POU2F3: variants seen among roughly 807,000 people sequenced by gnomAD.
The protein encoded by POU2F3 is POU class 2 homeobox 3, also known as POU domain, class 2, transcription factor 3.
POU2F3 carries 23 observed loss-of-function variants against 59.2 expected under a neutral mutation model. The ratio of observed to expected loss-of-function variants is 0.39; its 90% CI spans 0.28 to 0.55. POU2F3 has a LOEUF of 0.55. Among genes scored for constraint, POU2F3 ranks in the 20% least tolerant of loss-of-function variants. POU2F3 has a pLI of 0.66. For synonymous variants in POU2F3, 190 were observed against 214.6 expected (o/e 0.89, Z 1.00); for missense variants, 473 against 544.5 (o/e 0.87, Z 1.31).
chr11:120,302,693 C>A, intron 6 of POU2F3: 1 of 280,930 alleles, frequency 3.6e-6, no homozygotes, highest in East Asian at 8.0e-5. Flanking sequence ...ACTTCTCAGG[C>A]ATACCAAGAT....
chr11:120,239,075 A>T (rs1034774450), upstream of POU2F3, among the ~76,000 whole-genome samples: 1 of 152,112 alleles, frequency 6.6e-6, no homozygotes, highest in African/African-American at 2.4e-5. Context: ...TGGGCGTGCC[A>T]GGGGGAAAGG....
intron 3 of POU2F3, among the ~76,000 whole-genome samples, chr11:120,272,979 T>A (rs1940144094): frequency 6.6e-6 from 1 of 152,234 alleles, no homozygotes; most frequent in Non-Finnish European, 1.5e-5. Flanking sequence ...ACAGTCTTCA[T>A]GTTACGGTGT....
At position 120,284,170 on chromosome 11, in the gene POU2F3, A is replaced by G. The variant is rs918784817; in HGVS notation, c.133-14095A>G. Among the ~76,000 whole-genome samples, 5 of 152,148 alleles carry G rather than the reference A, an allele frequency of 3.3e-5. No homozygotes were observed. In the East Asian group the frequency reaches 9.6e-4, roughly 29 times the overall value. ...CTCCAGTCTGGGTGACAAGAGCAAG[A>G]CTCCATCTCAAAAATAAATACATAA... On this transcript the variant is annotated intron_variant, in intron 3 of 12. Transcript: ENST00000543440.
chr11:120,281,484 C>G (rs960916219), intron 3 of POU2F3, among the ~76,000 whole-genome samples: 2 of 151,816 alleles, frequency 1.3e-5, no homozygotes, highest in African/African-American at 2.4e-5. Flanking sequence ...CCACTGATCA[C>G]CGCTGCCTTC....
chr11:120,272,691 A>C (rs1326940369), intron 3 of POU2F3, among the ~76,000 whole-genome samples: 6 of 152,158 alleles, frequency 3.9e-5, no homozygotes, highest in Non-Finnish European at 8.8e-5. Context: ...GAGCCTGTTA[A>C]CTTCCTGGTC....
chr11:120,305,838 G>A, intron 8 of POU2F3, 53 bp downstream of exon 8: 2 of 1,597,730 alleles, frequency 1.3e-6, no homozygotes, highest in South Asian at 2.2e-5. Flanking sequence ...TGCAGGGAAG[G>A]GCCAGTGACT....
Position 120,302,979 on chromosome 11 carries a change from C to T in POU2F3, c.444+611C>T, listed in dbSNP as rs533400556. 282 of 152,464 alleles carry T rather than the reference C, an allele frequency of 1.8e-3. 7 individuals are homozygous for T. In the South Asian group the frequency reaches 0.023, roughly 12 times the overall value. 9.4% of individuals were successfully genotyped at this position (152,464 alleles called of 1,614,324 possible). A position where few individuals can be genotyped will look rare whatever the true frequency, so the allele number is the denominator to read the frequency against. ...TCTCATGCCAAGGTGGACAGATTGG[C>T]GACAGCAGCATGAGCTGTATCTTAG... is the stretch of plus-strand genomic sequence containing the variant. On this transcript the variant is annotated intron_variant, in intron 6 of 12. Transcript: ENST00000543440.
chr11:120,302,475 G>A (rs540547311), intron 6 of POU2F3, 107 bp downstream of exon 6: 110 of 1,031,092 alleles, frequency 1.1e-4, no homozygotes, highest in Non-Finnish European at 1.2e-4. Flanking sequence ...ACCCCTCTGG[G>A]GAGAGGGGAT....
At chr11:120,236,805 C>G (rs186082213), upstream of POU2F3, 24 of 1,232,440 alleles carry the variant, frequency 1.9e-5, 1 homozygote, top group South Asian at 3.1e-4. Flanking sequence ...CACCATTCCC[C>G]CTCAACCCTA....
intron 3 of POU2F3, among the ~76,000 whole-genome samples, chr11:120,282,849 A>G (rs1940628588): frequency 6.6e-6 from 1 of 152,192 alleles, no homozygotes; most frequent in Non-Finnish European, 1.5e-5. Flanking sequence ...GAAATTTTTT[A>G]AAACTTAACC....
chr11:120,304,453 C>T (rs541771400), intron 6 of POU2F3: 4 of 151,990 alleles, frequency 2.6e-5, no homozygotes, highest in African/African-American at 9.7e-5. Context: ...AAAAACAAAA[C>T]ACTTTCATGA....
chr11:120,262,806 A>G (rs189321961), intron 2 of POU2F3, among the ~76,000 whole-genome samples: 2 of 152,316 alleles, frequency 1.3e-5, no homozygotes, highest in Non-Finnish European at 2.9e-5. Context: ...CTGACTATCC[A>G]ATATGAAGTA....
intron 1 of POU2F3, among the ~76,000 whole-genome samples, chr11:120,246,031 G>A (rs984743129): frequency 5.9e-5 from 9 of 152,108 alleles, no homozygotes; most frequent in African/African-American, 2.2e-4. Flanking sequence ...GAGCTGGGGA[G>A]GCAGGCGGGG....
chr11:120,239,425 A>AGGTG (rs1938579095), upstream of POU2F3, among the ~76,000 whole-genome samples: 1 of 152,212 alleles, frequency 6.6e-6, no homozygotes, highest in South Asian at 2.1e-4. Flanking sequence ...CCGCTCTGGA[A>AGGTG]GGTGGCTGTC....
intron 3 of POU2F3, among the ~76,000 whole-genome samples, chr11:120,273,236 A>G (rs1380936377): frequency 6.6e-6 from 1 of 152,254 alleles, no homozygotes; most frequent in Non-Finnish European, 1.5e-5. Context: ...ATCTAGGACC[A>G]TCCATTCAAC....
At chr11:120,302,508 C>T in intron 6 of POU2F3, 140 bp downstream of exon 6, 1 of 713,250 alleles carries the variant, frequency 1.4e-6, no homozygotes, top group Admixed American at 3.1e-5. Context: ...TCCATTGGCA[C>T]AGGGGAAATC....
At chr11:120,300,562 G>A (rs571619581) in intron 5 of POU2F3, among the ~76,000 whole-genome samples, 1 of 152,196 alleles carries the variant, frequency 6.6e-6, no homozygotes, top group Non-Finnish European at 1.5e-5. Context: ...CCAGAAGTTC[G>A]AGACCAGCCT....
At chr11:120,246,582 A>G in intron 2 of POU2F3, 65 bp downstream of exon 2, 2 of 1,546,948 alleles carry the variant, frequency 1.3e-6, no homozygotes, top group Non-Finnish European at 1.8e-6. Context: ...GAATTGTTGA[A>G]CAACTGGTGT....
intron 6 of POU2F3, chr11:120,302,673 G>A (rs1290178404): frequency 6.2e-6 from 2 of 323,640 alleles, no homozygotes; most frequent in Non-Finnish European, 1.1e-5. Flanking sequence ...CTGAGAGCCA[G>A]GCTCAGCTCA....
Sources: gnomAD v4.1 joint callset for allele counts (sites outside exome capture counted in the v4.1 genomes callset) on GRCh38, gnomAD v4.1.1 for gene constraint, MANE v1.5 for transcripts, NCBI Gene and HGNC (gene_info 2026-07-23, HGNC 2026-07-21) for gene names.